Variants in DZIP1 observed in about 807,000 individuals in gnomAD.
DZIP1 encodes the protein cilium assembly protein DZIP1.
In DZIP1, 97 loss-of-function variants were observed where a neutral mutation model predicts 107.6. The observed-to-expected ratio is 0.90, with a 90% CI of 0.77 to 1.07. The LOEUF (loss-of-function observed/expected upper bound fraction) is 1.07, where lower values mean the gene tolerates loss of function less well. Among genes scored for constraint, DZIP1 ranks in the 50% least tolerant of loss-of-function variants. The pLI, the probability that DZIP1 is intolerant of heterozygous loss-of-function variation, is 0.00. For synonymous variants in DZIP1, 390 were observed against 386.4 expected (o/e 1.01, Z -0.11); for missense variants, 1,035 against 1,063.6 (o/e 0.97, Z 0.37).
At chr13:95,618,588 T>C (rs889112164) in intron 10 of DZIP1, among the ~76,000 whole-genome samples, 4 of 152,218 alleles carry the variant, frequency 2.6e-5, no homozygotes, top group African/African-American at 7.2e-5. Context: ...TTATTTTTTG[T>C]TTGCTTTAGT....
chr13:95,594,066 A>C lies in DZIP1; in HGVS notation c.1558T>G (p.Leu520Val). The C allele has an allele frequency of 6.2e-7, 1 of 1,602,622 alleles. No individual in the cohort carries two copies. Among genetic ancestry groups the C allele is most frequent in the Non-Finnish European group, 8.5e-7 (1 of 1,175,558 alleles). ...EEKGRENEQKLNNNKMHLRKA... is the reference protein window; with the variant it reads ...EEKGRENEQKVNNNKMHLRKA... The stretch of plus-strand genomic sequence containing the variant: ...CTTAAATGCATTTTGTTGTTATTTA[A>C]TTTCTGTTCATTTTCCCTTCCTGAA... The change falls in exon 16 of 23, where the codon TTA becomes GTA. Residue 520 changes from leucine (L) to valine (V), a missense_variant. Transcript: ENST00000376829.
rs752193812 is a variant in DZIP1 at position 95,599,609 on chromosome 13, C to T, written c.1478-185G>A. ...GATGGTCACCTTTTCATCATATCTT[C>T]GATTTCTATGTACTTTCCATTAACT... On this transcript the variant is annotated intron_variant, in intron 14 of 22. Coordinates refer to ENST00000376829, the MANE Select transcript of DZIP1 (RefSeq NM_198968.4). Among the ~76,000 whole-genome samples, 7 of 152,128 alleles carry T rather than the reference C, an allele frequency of 4.6e-5. No homozygotes were observed. The South Asian group carries it at 8.3e-4, about 18-fold the overall frequency.
At chr13:95,589,470 A>G (rs2044252380) in intron 18 of DZIP1, among the ~76,000 whole-genome samples, 1 of 152,172 alleles carries the variant, frequency 6.6e-6, no homozygotes, top group Non-Finnish European at 1.5e-5. Flanking sequence ...GTATGATGGC[A>G]TCTGGGGGGC....
At chr13:95,612,218 T>G (rs2045035312) in intron 10 of DZIP1, 41 bp from the exon 11 acceptor site, 2 of 1,589,042 alleles carry the variant, frequency 1.3e-6, no homozygotes, top group African/African-American at 1.3e-5. Flanking sequence ...GTAAGCTGCA[T>G]GTCAAATGTC....
chr13:95,597,130 T>C (rs2044478070), intron 15 of DZIP1, among the ~76,000 whole-genome samples: 1 of 152,200 alleles, frequency 6.6e-6, no homozygotes, highest in African/African-American at 2.4e-5. Flanking sequence ...ACTACCATCT[T>C]ACATTGACTG....
At chr13:95,603,577 AG>A (rs2044684560) in intron 14 of DZIP1, among the ~76,000 whole-genome samples, 1 of 152,178 alleles carries the variant, frequency 6.6e-6, no homozygotes, top group African/African-American at 2.4e-5. Context: ...TCAGTTTAAC[AG>A]CAACAAAGTA....
At chr13:95,633,428 A>G in intron 5 of DZIP1, 107 bp from the exon 6 acceptor site, 1 of 914,658 alleles carries the variant, frequency 1.1e-6, no homozygotes, top group Non-Finnish European at 1.7e-6. Context: ...CACGCCTGTA[A>G]TCCCAGCACT....
At position 95,589,879 on chromosome 13, in the gene DZIP1, T is replaced by G; in HGVS notation, c.1897A>C (p.Met633Leu). Residue 633 changes from methionine to leucine, a missense_variant, in exon 18 of 23, where the codon ATG (methionine) becomes CTG (leucine). Physicochemically the swap from Met to Leu is conservative, Grantham distance 15 (BLOSUM62 2). Transcript: ENST00000376829. ...DTLSTGEVPK[M>L]IQLPSKNRQL... ...CTGTTTTTGGAAGGAAGTTGTATCATTTTGGGTACTTCTCCAGTTGAAAGG... is the reference window on the plus strand; with the variant it reads ...CTGTTTTTGGAAGGAAGTTGTATCAGTTTGGGTACTTCTCCAGTTGAAAGG... 6.2e-7 allele frequency: 1 copy of G among 1,614,184 alleles called. No homozygotes were observed. The highest frequency in any genetic ancestry group is 1.1e-5 in the South Asian group (1 of 91,082).
chr13:95,636,791 A>C (rs1166318078), intron 5 of DZIP1, among the ~76,000 whole-genome samples: 1 of 152,182 alleles, frequency 6.6e-6, no homozygotes, highest in African/African-American at 2.4e-5. Context: ...AACAAAATTT[A>C]AAGACTGAAT....
At chr13:95,626,429 C>T (rs1876552303) in intron 7 of DZIP1, among the ~76,000 whole-genome samples, 1 of 152,084 alleles carries the variant, frequency 6.6e-6, no homozygotes, top group Non-Finnish European at 1.5e-5. Context: ...AACAATTGTA[C>T]AGCAACAAAT....
rs897015714 is a variant in DZIP1 at position 95,579,606 on chromosome 13, C to G, written c.*2628G>C. ...TGTTATCTTTGAGTAAGAAACTGTCCGATATGAATCACAACGTGGGTGAAT... is the reference window on the plus strand; with the variant it reads ...TGTTATCTTTGAGTAAGAAACTGTCGGATATGAATCACAACGTGGGTGAAT... On this transcript the variant is annotated 3_prime_UTR_variant, in exon 23 of 23. Coordinates refer to ENST00000376829, the MANE Select transcript of DZIP1 (RefSeq NM_198968.4). 10 of 151,648 alleles carry G rather than the reference C, an allele frequency of 6.6e-5. No individual in the cohort carries two copies. Among genetic ancestry groups the G allele is most frequent in the Admixed American group, 5.9e-4 (9 of 15,232 alleles). The allele number at this position is 151,648 out of a possible 1,614,324, so 9.4% of individuals were successfully genotyped here. A position where few individuals can be genotyped will look rare whatever the true frequency, so the allele number is the denominator to read the frequency against.
chr13:95,591,757 A>G (rs1470294197), intron 16 of DZIP1, among the ~76,000 whole-genome samples: 2 of 152,248 alleles, frequency 1.3e-5, no homozygotes, highest in East Asian at 1.9e-4. Flanking sequence ...CTAATACTGT[A>G]CAAATGTCAA....
rs1195469490 is a variant in DZIP1, at chr13:95,581,223, A to C, written c.*1011T>G. On this transcript the variant is annotated 3_prime_UTR_variant, in exon 23 of 23. Transcript: ENST00000376829. ...CTTGGAAACAGAATATAGTATAACC[A>C]AGTTATAAAAATGCAAAAAACAGCT... 1 of 152,672 alleles carries C rather than the reference A, an allele frequency of 6.5e-6. No individual in the cohort carries two copies. Among genetic ancestry groups the C allele is most frequent in the African/African-American group, 2.4e-5 (1 of 41,464 alleles). 9.5% of individuals were successfully genotyped at this position (152,672 alleles called of 1,614,324 possible). A position where few individuals can be genotyped will look rare whatever the true frequency, so the allele number is the denominator to read the frequency against.
At chr13:95,605,807 T>C (rs1237852481) in intron 14 of DZIP1, among the ~76,000 whole-genome samples, 196 bp downstream of exon 14, 1 of 152,226 alleles carries the variant, frequency 6.6e-6, no homozygotes, top group East Asian at 1.9e-4. Context: ...CTTTTATACT[T>C]TAAGACTTTG....
chr13:95,612,179 T>C lies in DZIP1; in HGVS notation c.1174-2A>G. 1 of 1,605,010 alleles carries C rather than the reference T, an allele frequency of 6.2e-7. No homozygotes were observed. The highest frequency in any genetic ancestry group is 8.5e-7 in the Non-Finnish European group (1 of 1,178,528). On this transcript the variant is annotated splice_acceptor_variant, in intron 10 of 22. Coordinates refer to ENST00000376829, the MANE Select transcript of DZIP1 (RefSeq NM_198968.4). LOFTEE classifies it high-confidence loss of function. The stretch of plus-strand genomic sequence containing the variant: ...AAGTTTCTCTATATGTGACAGGAGC[T>C]GAAAAAAAGTTAAGAAAGGCATCCA...
intron 16 of DZIP1, among the ~76,000 whole-genome samples, chr13:95,590,688 G>A (rs769656664): frequency 6.6e-6 from 1 of 152,240 alleles, no homozygotes; most frequent in Non-Finnish European, 1.5e-5. Context: ...AGGACCCAAT[G>A]AGTCTACAAA....
chr13:95,588,804 A>G (rs149697355), intron 19 of DZIP1, among the ~76,000 whole-genome samples: 605 of 152,356 alleles, frequency 4.0e-3, no homozygotes, highest in African/African-American at 0.011. Context: ...ATTACATTTA[A>G]AACAAACTTA....
chr13:95,586,137 C>A lies in DZIP1; in HGVS notation c.2219-1G>T. 1 of 1,585,558 alleles carries A rather than the reference C, an allele frequency of 6.3e-7. No homozygotes were observed. The stretch of plus-strand genomic sequence containing the variant: ...TCAGTAGGTGTTTTAACGGCGACTC[C>A]TATAAGATCAATAAAAATTAGGCAA... On this transcript the variant is annotated splice_acceptor_variant, in intron 20 of 22. Transcript: ENST00000376829. LOFTEE classifies it high-confidence loss of function.
At chr13:95,607,361 T>C (rs1315804807) in intron 13 of DZIP1, among the ~76,000 whole-genome samples, 1 of 152,210 alleles carries the variant, frequency 6.6e-6, no homozygotes, top group Non-Finnish European at 1.5e-5. Flanking sequence ...GCTACTTCTA[T>C]AGGTATGCAT....
Sources: allele counts gnomAD v4.1 joint callset (sites outside exome capture counted in the v4.1 genomes callset), GRCh38; gene constraint gnomAD v4.1.1; transcripts MANE v1.5; gene names NCBI Gene and HGNC (gene_info 2026-07-23, HGNC 2026-07-21).